CDKL4: variants seen among roughly 807,000 people sequenced by gnomAD.
The protein encoded by CDKL4 is cyclin dependent kinase like 4, also known as cyclin-dependent kinase-like 4.
In CDKL4, 44 loss-of-function variants were observed where a neutral mutation model predicts 42.0. The observed-to-expected ratio is 1.05, with a 90% CI of 0.82 to 1.35. The LOEUF (loss-of-function observed/expected upper bound fraction) is 1.35, where lower values mean the gene tolerates loss of function less well. Among genes scored for constraint, CDKL4 ranks in the 40% most tolerant of loss-of-function variants. CDKL4 has a pLI of 0.00. For missense variants in CDKL4, 393 were observed against 369.9 expected (o/e 1.06, Z -0.51); for synonymous variants, 120 against 121.6 (o/e 0.99, Z 0.09).
intron 1 of CDKL4, among the ~76,000 whole-genome samples, chr2:39,238,472 C>A (rs1417838177): frequency 6.6e-6 from 1 of 152,066 alleles, no homozygotes; most frequent in East Asian, 1.9e-4. Context: ...AAATTAATTC[C>A]TTATACAAAT....
chr2:39,205,916 G>T (rs1292122211), intron 4 of CDKL4, among the ~76,000 whole-genome samples: 1 of 152,106 alleles, frequency 6.6e-6, no homozygotes, highest in African/African-American at 2.4e-5. Context: ...CCAGGGGATG[G>T]GGATCACTTC....
chr2:39,229,042 G>A (rs1573022124), intron 2 of CDKL4, among the ~76,000 whole-genome samples: 1 of 152,268 alleles, frequency 6.6e-6, no homozygotes, highest in East Asian at 1.9e-4. Flanking sequence ...TTTAGTTGCT[G>A]GTTGGTAGGG....
At chr2:39,217,725 TTTATTTATTTATTTATTTA>T (rs1203462547) in intron 3 of CDKL4, among the ~76,000 whole-genome samples, 17 of 142,848 alleles carry the variant, frequency 1.2e-4, no homozygotes, top group African/African-American at 4.5e-4. Context: ...TATTTATTTA[TTTATTTATTTATTTATTTA>T]TTTTTTGAGA....
intron 5 of CDKL4, among the ~76,000 whole-genome samples, chr2:39,194,194 A>G (rs1403665054): frequency 6.6e-6 from 1 of 152,196 alleles, no homozygotes; most frequent in Non-Finnish European, 1.5e-5. Flanking sequence ...ACGGTGGCTC[A>G]CACTTGTAAT....
rs115349085 is a variant in CDKL4, at chr2:39,183,950, G to T, written c.792+641C>A. ...GTCATCCAAATGGCCCCACCGTCTA[G>T]ATCAGATGAGTCTCAAACTGAGCTG... On this transcript the variant is annotated intron_variant, in intron 8 of 9. Transcript: ENST00000451199. Among the ~76,000 whole-genome samples the T allele has an allele frequency of 4.7e-3, 716 of 152,284 alleles. 3 individuals carry two copies. The highest frequency in any genetic ancestry group is 7.1e-3 in the Non-Finnish European group (483 of 68,024).
At chr2:39,210,547 T>C (rs1188049695) in intron 4 of CDKL4, among the ~76,000 whole-genome samples, 1 of 152,166 alleles carries the variant, frequency 6.6e-6, no homozygotes, top group Admixed American at 6.5e-5. Context: ...TCACCCTGTA[T>C]ATAAAAATAT....
chr2:39,245,450 A>T (rs1400782098), upstream of CDKL4, among the ~76,000 whole-genome samples: 1 of 152,098 alleles, frequency 6.6e-6, no homozygotes, highest in Non-Finnish European at 1.5e-5. Flanking sequence ...GAGCTGTAAC[A>T]CTCACCGCGA....
chr2:39,209,912 T>C (rs1221543297), intron 4 of CDKL4, among the ~76,000 whole-genome samples: 7 of 152,102 alleles, frequency 4.6e-5, no homozygotes, highest in Admixed American at 4.6e-4. Context: ...TATAGATAAA[T>C]AAAAAGGCAG....
chr2:39,205,446 T>C (rs926495474), intron 4 of CDKL4, among the ~76,000 whole-genome samples: 1 of 151,738 alleles, frequency 6.6e-6, no homozygotes, highest in Non-Finnish European at 1.5e-5. Flanking sequence ...ATCATCCAAA[T>C]CAGGAGACTT....
chr2:39,180,793 C>T (rs1161911160), intron 8 of CDKL4, among the ~76,000 whole-genome samples: 17 of 150,620 alleles, frequency 1.1e-4, no homozygotes, highest in Non-Finnish European at 2.9e-5. Context: ...CAGGTTTGAG[C>T]GATTCTCATG....
At chr2:39,225,566 T>C (rs1280983361) in intron 3 of CDKL4, among the ~76,000 whole-genome samples, 2 of 152,226 alleles carry the variant, frequency 1.3e-5, no homozygotes, top group Non-Finnish European at 2.9e-5. Flanking sequence ...TATCAAACCA[T>C]GGTTCATTCC....
At chr2:39,234,878 A>G (rs1016732426) in intron 1 of CDKL4, among the ~76,000 whole-genome samples, 1 of 151,112 alleles carries the variant, frequency 6.6e-6, no homozygotes, top group Non-Finnish European at 1.5e-5. Flanking sequence ...CTATAGATAA[A>G]CATTTAAAAA....
rs183024712 is a variant in CDKL4, at chr2:39,211,653, A to G, written c.363+1747T>C. Among the ~76,000 whole-genome samples, 879 of 152,118 alleles carry G rather than the reference A, an allele frequency of 5.8e-3. 6 individuals carry two copies. Among genetic ancestry groups the G allele is most frequent in the Non-Finnish European group, 7.6e-3 (515 of 68,008 alleles). ...GATGAGTTCTTTTCCATACAATTCC[A>G]ATTATTAAATGCAGAAGGAATAACA... On this transcript the variant is annotated intron_variant, in intron 4 of 9. Transcript: ENST00000451199.
At chr2:39,193,547 G>C (rs1195878034) in intron 5 of CDKL4, among the ~76,000 whole-genome samples, 1 of 152,028 alleles carries the variant, frequency 6.6e-6, no homozygotes, top group East Asian at 1.9e-4. Context: ...GGCTAATTTT[G>C]TATTTTTAGT....
rs1453164998 is a variant in CDKL4 at position 39,179,169 on chromosome 2, A to G, written c.927+18T>C. On this transcript the variant is annotated intron_variant, in intron 9 of 9. Coordinates refer to ENST00000451199, the Ensembl canonical transcript of CDKL4. ...AAGGAATTATTTTTATAGCACTTTA[A>G]CTTTTGAGCGGAAGTACCTGTTGGC... is the stretch of plus-strand genomic sequence containing the variant. The G allele has an allele frequency of 6.3e-7, 1 of 1,587,930 alleles. No homozygotes were observed. The highest frequency in any genetic ancestry group is 8.5e-7 in the Non-Finnish European group (1 of 1,173,814).
intron 5 of CDKL4, among the ~76,000 whole-genome samples, chr2:39,202,600 C>T (rs1003937016): frequency 9.2e-5 from 14 of 152,126 alleles, no homozygotes; most frequent in Non-Finnish European, 1.8e-4. Context: ...CAAGAAATCA[C>T]TGTTAAATCC....
intron 3 of CDKL4, among the ~76,000 whole-genome samples, chr2:39,222,009 A>T (rs1415071745): frequency 2.0e-5 from 3 of 152,226 alleles, no homozygotes; most frequent in Non-Finnish European, 4.4e-5. Context: ...CTGTATCATT[A>T]TAACTGTATC....
chr2:39,204,242 CT>C (rs1389146553), intron 5 of CDKL4, among the ~76,000 whole-genome samples: 2 of 152,264 alleles, frequency 1.3e-5, no homozygotes, highest in East Asian at 3.9e-4. Flanking sequence ...TTCTTTGTTT[CT>C]TTTACTGTAG....
intron 8 of CDKL4, among the ~76,000 whole-genome samples, chr2:39,182,648 T>C (rs1193681390): frequency 6.6e-6 from 1 of 152,224 alleles, no homozygotes; most frequent in Non-Finnish European, 1.5e-5. Flanking sequence ...GATCCTTTTC[T>C]TAAATCCAAA....
Sources: allele counts gnomAD v4.1 joint callset (sites outside exome capture counted in the v4.1 genomes callset), GRCh38; gene constraint gnomAD v4.1.1; transcripts MANE v1.5; gene names NCBI Gene and HGNC (gene_info 2026-07-23, HGNC 2026-07-21).